The following RBFOX1 variants were observed in gnomAD, a reference collection of about 807,000 sequenced individuals.
RBFOX1 encodes RNA binding protein fox-1 homolog 1.
RBFOX1 carries 8 observed loss-of-function variants against 57.7 expected under a neutral mutation model. The ratio of observed to expected loss-of-function variants is 0.14; its 90% CI spans 0.08 to 0.25. The LOEUF (loss-of-function observed/expected upper bound fraction) is 0.25. RBFOX1 is among the 10% of genes least tolerant of loss of function. The pLI, the probability that RBFOX1 is intolerant of heterozygous loss-of-function variation, is 1.00. For synonymous variants in RBFOX1, 326 were observed against 222.4 expected (o/e 1.47, Z -4.15); for missense variants, 611 against 548.5 (o/e 1.11, Z -1.14).
intron 3 of RBFOX1, among the ~76,000 whole-genome samples, chr16:6,977,439 C>T (rs549483373): frequency 2.4e-4 from 36 of 152,134 alleles, no homozygotes; most frequent in Admixed American, 9.8e-4. Flanking sequence ...TTCCCTTAAC[C>T]ATACACATCT....
intron 1 of RBFOX1, among the ~76,000 whole-genome samples, chr16:5,311,067 C>G (rs947667310): frequency 1.3e-5 from 2 of 152,120 alleles, no homozygotes; most frequent in Admixed American, 1.3e-4. Context: ...GCTTAGATTC[C>G]ACTTGTAAGT....
At chr16:6,661,649 G>C (rs757736249) in intron 3 of RBFOX1, among the ~76,000 whole-genome samples, 2 of 152,186 alleles carry the variant, frequency 1.3e-5, no homozygotes, top group Non-Finnish European at 2.9e-5. Context: ...AAGACCCAGA[G>C]ACTGGCCCTG....
chr16:5,407,300 A>G (rs1047344986), intron 1 of RBFOX1, among the ~76,000 whole-genome samples: 3 of 152,078 alleles, frequency 2.0e-5, no homozygotes, highest in African/African-American at 7.2e-5. Context: ...ACAATTCAAG[A>G]TGAGATTTGG....
intron 3 of RBFOX1, among the ~76,000 whole-genome samples, chr16:7,044,257 G>A (rs892668211): frequency 3.9e-5 from 6 of 152,106 alleles, no homozygotes; most frequent in South Asian, 4.1e-4. Context: ...TCCAAACATC[G>A]TACTCATCTC....
At chr16:7,685,894 G>A (rs2075959953) in intron 14 of RBFOX1, among the ~76,000 whole-genome samples, 1 of 152,004 alleles carries the variant, frequency 6.6e-6, no homozygotes, top group African/African-American at 2.4e-5. Flanking sequence ...AATCATTGCT[G>A]TTGATACAGA....
At chr16:7,475,389 A>G (rs965129382) in intron 4 of RBFOX1, among the ~76,000 whole-genome samples, 11 of 147,738 alleles carry the variant, frequency 7.4e-5, no homozygotes. Context: ...ATCTCGGCTC[A>G]CTGCAACTTC....
chr16:7,038,094 C>T (rs1455703076), intron 3 of RBFOX1, among the ~76,000 whole-genome samples: 1 of 152,168 alleles, frequency 6.6e-6, no homozygotes, highest in African/African-American at 2.4e-5. Flanking sequence ...CTCCCCTCCA[C>T]ACTCTTTCCC....
intron 4 of RBFOX1, among the ~76,000 whole-genome samples, chr16:5,943,177 G>A (rs749794322): frequency 5.3e-5 from 8 of 152,158 alleles, no homozygotes; most frequent in Non-Finnish European, 8.8e-5. Context: ...CCAAGCCAGT[G>A]CTTCTAGGTG....
At chr16:7,320,266 T>C (rs1005211986) in intron 4 of RBFOX1, among the ~76,000 whole-genome samples, 4 of 152,128 alleles carry the variant, frequency 2.6e-5, no homozygotes, top group Admixed American at 1.3e-4. Flanking sequence ...GTGTGTTGTT[T>C]CCCTCCCTGT....
chr16:7,169,572 G>T (rs1335556710), intron 4 of RBFOX1, among the ~76,000 whole-genome samples: 1 of 152,160 alleles, frequency 6.6e-6, no homozygotes, highest in Non-Finnish European at 1.5e-5. Flanking sequence ...ATGATTAATT[G>T]CATCTTCAAC....
intron 4 of RBFOX1, among the ~76,000 whole-genome samples, chr16:7,192,029 G>T (rs1057224341): frequency 6.6e-6 from 1 of 152,156 alleles, no homozygotes; most frequent in Non-Finnish European, 1.5e-5. Context: ...TTTTATTAGA[G>T]GGAAACAGTT....
At chr16:5,788,286 A>T (rs2054576570) in intron 3 of RBFOX1, among the ~76,000 whole-genome samples, 1 of 152,164 alleles carries the variant, frequency 6.6e-6, no homozygotes, top group African/African-American at 2.4e-5. Flanking sequence ...AAATTGTATT[A>T]ACTGCTGTCC....
intron 4 of RBFOX1, among the ~76,000 whole-genome samples, chr16:7,273,078 C>G (rs1392669393): frequency 8.6e-6 from 1 of 116,932 alleles, no homozygotes; most frequent in Non-Finnish European, 1.7e-5. Context: ...CTCCTTCCAT[C>G]CTTCCGCTCT....
chr16:5,761,098 A>C (rs2053575731), intron 3 of RBFOX1, among the ~76,000 whole-genome samples: 1 of 152,236 alleles, frequency 6.6e-6, no homozygotes, highest in African/African-American at 2.4e-5. Flanking sequence ...ATGCTAATGC[A>C]AGAGTTAGGT....
intron 2 of RBFOX1, among the ~76,000 whole-genome samples, chr16:6,357,646 G>C (rs887565454): frequency 6.6e-6 from 1 of 151,908 alleles, no homozygotes; most frequent in African/African-American, 2.4e-5. Flanking sequence ...CCTGCTTTCT[G>C]AGTTCTCTAC....
intron 3 of RBFOX1, among the ~76,000 whole-genome samples, chr16:6,969,793 C>G (rs909875547): frequency 6.6e-6 from 1 of 151,924 alleles, no homozygotes; most frequent in Non-Finnish European, 1.5e-5. Flanking sequence ...CTCTCTGGTG[C>G]CCCCTTCAGT....
intron 3 of RBFOX1, among the ~76,000 whole-genome samples, chr16:6,660,915 G>C (rs546514362): frequency 3.9e-5 from 6 of 152,150 alleles, no homozygotes; most frequent in Non-Finnish European, 7.4e-5. Flanking sequence ...TTTCACAAAG[G>C]AAGAGGATCC....
intron 4 of RBFOX1, among the ~76,000 whole-genome samples, chr16:7,293,380 A>C (rs2095831657): frequency 6.6e-6 from 1 of 152,142 alleles, no homozygotes; most frequent in African/African-American, 2.4e-5. Flanking sequence ...CCTAGAACCA[A>C]TCACCCATGG....
intron 4 of RBFOX1, among the ~76,000 whole-genome samples, chr16:5,985,892 A>G (rs546938414): frequency 8.5e-5 from 13 of 152,240 alleles, no homozygotes; most frequent in Non-Finnish European, 8.8e-5. Context: ...GTTTGAGAAG[A>G]ATGAGGCCAA....
Sources: gnomAD v4.1 joint callset for allele counts (sites outside exome capture counted in the v4.1 genomes callset) on GRCh38, gnomAD v4.1.1 for gene constraint, MANE v1.5 for transcripts, NCBI Gene and HGNC (gene_info 2026-07-23, HGNC 2026-07-21) for gene names.